The following MALRD1 variants were observed in gnomAD, a reference collection of about 807,000 sequenced individuals.
The protein encoded by MALRD1 is MAM and LDL receptor class A domain containing 1.
In MALRD1, 247 loss-of-function variants were observed where a neutral mutation model predicts 242.1. That is an observed-to-expected ratio of 1.02 (90% CI 0.92 to 1.13). The LOEUF is 1.13. Among genes scored for constraint, MALRD1 ranks in the 50% most tolerant of loss-of-function variants. The probability of loss-of-function intolerance (pLI) is 0.00; values close to 1 mark genes in which losing one functional copy is unlikely to be tolerated. For missense variants in MALRD1, 2,989 were observed against 2,533.1 expected, an observed-to-expected ratio of 1.18 and a Z score of -3.86; for synonymous variants, 995 against 866.6, an observed-to-expected ratio of 1.15 and a Z score of -2.60.
chr10:19,614,315 T>C (rs1259121903), intron 35 of MALRD1, among the ~76,000 whole-genome samples: 1 of 152,040 alleles, frequency 6.6e-6, no homozygotes, highest in Admixed American at 6.6e-5. Flanking sequence ...ATGTCTATGT[T>C]ATCATTATAT....
In MALRD1 at chr10:19,557,925, A is replaced by T. The variant is rs1256416114; in HGVS notation, c.5479-9577A>T. Among the ~76,000 whole-genome samples the T allele has an allele frequency of 2.0e-5, 3 of 151,970 alleles. No homozygotes were observed. The East Asian group carries it at 5.8e-4, about 29-fold the overall frequency. ...AATAACATCTATTTATCTATATTTG[A>T]GATTTTTCATCAGTTTTGTAGTGTT... On this transcript the variant is annotated intron_variant, in intron 32 of 39. Coordinates refer to ENST00000454679, the MANE Select transcript of MALRD1 (RefSeq NM_001142308.3).
chr10:19,469,769 C>T (rs1836403551), intron 29 of MALRD1, among the ~76,000 whole-genome samples: 1 of 151,922 alleles, frequency 6.6e-6, no homozygotes, highest in Admixed American at 6.6e-5. Flanking sequence ...AATTGTTATT[C>T]GCTTTCTTTC....
intron 18 of MALRD1, among the ~76,000 whole-genome samples, chr10:19,239,739 C>T (rs2131740373): frequency 6.6e-6 from 1 of 152,188 alleles, no homozygotes; most frequent in African/African-American, 2.4e-5. Context: ...TTCTCAGTAC[C>T]ATTTAATGAA....
At chr10:19,628,620 TAGTG>T (rs746593753) in intron 36 of MALRD1, among the ~76,000 whole-genome samples, 1 of 152,024 alleles carries the variant, frequency 6.6e-6, no homozygotes, top group Non-Finnish European at 1.5e-5. Flanking sequence ...TAAGAATAGT[TAGTG>T]AGCTCTGTAG....
Position 19,595,447 on chromosome 10 carries a change from G to C in MALRD1, c.5934G>C (p.Glu1978Asp), listed in dbSNP as rs1277045004. 3.9e-6 allele frequency: 6 copies of C among 1,549,464 alleles called. No homozygotes were observed. The East Asian group carries it at 1.5e-4, about 38-fold the overall frequency. ...GVPDCHFNED[E>D]LICSNKSCSN... ...CCGACTGCCACTTTAATGAAGATGA[G>C]CTCATCTGCTGTGAGTTATTTTCAC... The change falls in exon 34 of 40, where the codon GAG becomes GAC. Residue 1978 changes from glutamate to aspartate, a missense_variant. Physicochemically the swap from Glu to Asp is conservative, Grantham distance 45. Transcript: ENST00000454679.
chr10:19,715,037 T>TATAA (rs1485453701), intron 38 of MALRD1, among the ~76,000 whole-genome samples: 1 of 152,212 alleles, frequency 6.6e-6, no homozygotes, highest in Non-Finnish European at 1.5e-5. Flanking sequence ...TTTATCACTG[T>TATAA]ATAAATATGT....
intron 31 of MALRD1, among the ~76,000 whole-genome samples, chr10:19,501,921 C>T (rs1474126512): frequency 2.7e-5 from 4 of 147,966 alleles, no homozygotes; most frequent in Admixed American, 6.8e-5. Flanking sequence ...CCCCACTACT[C>T]GGGAGGCTGA....
chr10:19,426,198 A>G (rs1833898581), intron 28 of MALRD1, among the ~76,000 whole-genome samples: 1 of 152,188 alleles, frequency 6.6e-6, no homozygotes, highest in Admixed American at 6.5e-5. Context: ...CTGCTTGGTA[A>G]ATGTGACAGT....
chr10:19,409,305 G>A (rs1833173279), intron 28 of MALRD1, among the ~76,000 whole-genome samples: 1 of 152,054 alleles, frequency 6.6e-6, no homozygotes, highest in South Asian at 2.1e-4. Context: ...TAGATAACAG[G>A]CTGGGTGAGT....
intron 28 of MALRD1, among the ~76,000 whole-genome samples, chr10:19,403,211 A>G (rs149827222): frequency 2.2e-4 from 34 of 152,288 alleles, no homozygotes; most frequent in African/African-American, 6.3e-4. Context: ...CCCTTACATC[A>G]TATTGTGAAT....
intron 18 of MALRD1, among the ~76,000 whole-genome samples, chr10:19,250,846 TTC>T (rs1437515099): frequency 6.6e-6 from 1 of 151,988 alleles, no homozygotes; most frequent in Non-Finnish European, 1.5e-5. Flanking sequence ...AATGTGTGTA[TTC>T]TCTTTCACTC....
chr10:19,294,230 C>T (rs575168452), intron 21 of MALRD1, among the ~76,000 whole-genome samples: 32 of 152,186 alleles, frequency 2.1e-4, no homozygotes, highest in African/African-American at 7.0e-4. Flanking sequence ...AATAATTGTA[C>T]TTACATTCTA....
chr10:19,528,553 G>A (rs963341407), intron 31 of MALRD1, among the ~76,000 whole-genome samples: 3 of 152,014 alleles, frequency 2.0e-5, no homozygotes, highest in Non-Finnish European at 2.9e-5. Context: ...ATATCGTGCC[G>A]TTGCACTCCA....
intron 1 of MALRD1, among the ~76,000 whole-genome samples, chr10:19,055,946 C>T (rs1336330188): frequency 2.0e-5 from 3 of 152,184 alleles, no homozygotes; most frequent in Non-Finnish European, 4.4e-5. Context: ...TCATGACACA[C>T]AACTTACCTA....
intron 2 of MALRD1, among the ~76,000 whole-genome samples, chr10:19,075,665 A>G (rs1835295566): frequency 6.6e-6 from 1 of 152,028 alleles, no homozygotes; most frequent in Non-Finnish European, 1.5e-5. Flanking sequence ...TTGAAAGCCT[A>G]TTCATCCTCA....
At chr10:19,086,574 G>C (rs2131293517) in intron 2 of MALRD1, among the ~76,000 whole-genome samples, 1 of 152,208 alleles carries the variant, frequency 6.6e-6, no homozygotes, top group Admixed American at 6.5e-5. Context: ...TCTGGGCTCA[G>C]AGTTGTTTTC....
Position 19,709,243 on chromosome 10 carries a change from TA to T in MALRD1, c.6314+16714del, listed in dbSNP as rs557818453. Among the ~76,000 whole-genome samples, 542 of 105,930 alleles carry T rather than the reference TA, an allele frequency of 5.1e-3. 5 individuals are homozygous for T. The highest frequency in any genetic ancestry group is 0.024 in the East Asian group (84 of 3,482). The allele number at this position is 105,930 out of a possible 152,430, so 69.5% of individuals were successfully genotyped here. A position where few individuals can be genotyped will look rare whatever the true frequency, so the allele number is the denominator to read the frequency against. ...TAACATGGTGAAACCCCGTCTGTAC[TA>T]AAAAAAAAAAAAAAAAAAAAAAAAT... is the stretch of plus-strand genomic sequence containing the variant. On this transcript the variant is annotated intron_variant, in intron 38 of 39. Coordinates refer to ENST00000454679, the MANE Select transcript of MALRD1 (RefSeq NM_001142308.3).
At chr10:19,659,221 T>A (rs1197406938) in intron 36 of MALRD1, among the ~76,000 whole-genome samples, 1 of 152,182 alleles carries the variant, frequency 6.6e-6, no homozygotes, top group African/African-American at 2.4e-5. Flanking sequence ...AGGAGCTTAA[T>A]AAAATGATCG....
At chr10:19,187,049 C>CT in intron 14 of MALRD1, among the ~76,000 whole-genome samples, 1 of 152,256 alleles carries the variant, frequency 6.6e-6, no homozygotes, top group South Asian at 2.1e-4. Context: ...GGTTTAGAGA[C>CT]ACCTAAAAGA....
Sources: allele counts gnomAD v4.1 joint callset (sites outside exome capture counted in the v4.1 genomes callset), GRCh38; gene constraint gnomAD v4.1.1; transcripts MANE v1.5; gene names NCBI Gene and HGNC (gene_info 2026-07-23, HGNC 2026-07-21).